The following PTPRT variants were observed in gnomAD, a reference collection of about 807,000 sequenced individuals.
PTPRT encodes protein tyrosine phosphatase receptor type T.
In PTPRT, 56 loss-of-function variants were observed where a neutral mutation model predicts 176.8. That is an observed-to-expected ratio of 0.32 (90% confidence interval 0.26 to 0.40). PTPRT has a LOEUF of 0.40. Among genes scored for constraint, PTPRT ranks in the 10% least tolerant of loss-of-function variants. PTPRT has a pLI of 1.00. For missense variants in PTPRT, 1,540 were observed against 1,908.2 expected, an observed-to-expected ratio of 0.81 and a Z score of 3.60; for synonymous variants, 783 against 739.0, an observed-to-expected ratio of 1.06 and a Z score of -0.96.
intron 7 of PTPRT, among the ~76,000 whole-genome samples, chr20:42,579,887 T>C (rs1444529040): frequency 6.6e-6 from 1 of 152,232 alleles, no homozygotes; most frequent in African/African-American, 2.4e-5. Context: ...TCTTTTGCTA[T>C]GCAGAAGCTC....
At chr20:42,931,332 G>A (rs1979835171) in intron 1 of PTPRT, among the ~76,000 whole-genome samples, 1 of 152,198 alleles carries the variant, frequency 6.6e-6, no homozygotes, top group African/African-American at 2.4e-5. Context: ...AATGCCAGGT[G>A]AGGACACATG....
At chr20:42,978,682 G>C (rs1008661281) in intron 1 of PTPRT, among the ~76,000 whole-genome samples, 1 of 152,166 alleles carries the variant, frequency 6.6e-6, no homozygotes, top group African/African-American at 2.4e-5. Context: ...GATAAAACAG[G>C]TTGCAGTAAA....
intron 7 of PTPRT, among the ~76,000 whole-genome samples, chr20:42,513,872 A>G (rs1487103223): frequency 6.6e-6 from 1 of 152,196 alleles, no homozygotes; most frequent in African/African-American, 2.4e-5. Flanking sequence ...CTTGATGTCA[A>G]TGGAATCATA....
chr20:42,461,590 T>G (rs1216596241), intron 8 of PTPRT, among the ~76,000 whole-genome samples: 1 of 152,086 alleles, frequency 6.6e-6, no homozygotes, highest in African/African-American at 2.4e-5. Flanking sequence ...TAGAAGTGTG[T>G]GATGAATTGG....
At chr20:42,780,847 T>C (rs1020136647) in intron 3 of PTPRT, among the ~76,000 whole-genome samples, 1 of 152,180 alleles carries the variant, frequency 6.6e-6, no homozygotes, top group African/African-American at 2.4e-5. Context: ...GCAACTGACT[T>C]CCACCTAAAC....
intron 9 of PTPRT, among the ~76,000 whole-genome samples, chr20:42,396,802 C>T (rs1479074708): frequency 6.6e-6 from 1 of 152,182 alleles, no homozygotes; most frequent in East Asian, 1.9e-4. Context: ...TGGTTATCTG[C>T]CCACCTTGGC....
chr20:42,656,587 G>T (rs1224824556), intron 7 of PTPRT, among the ~76,000 whole-genome samples: 1 of 152,138 alleles, frequency 6.6e-6, no homozygotes, highest in Non-Finnish European at 1.5e-5. Context: ...GGTGAAAACT[G>T]ACCCAATTTT....
chr20:42,854,374 T>G (rs568280972), intron 2 of PTPRT, among the ~76,000 whole-genome samples: 4 of 152,200 alleles, frequency 2.6e-5, no homozygotes, highest in Admixed American at 2.6e-4. Context: ...TTTGAACACC[T>G]TGACAAAGGA....
intron 12 of PTPRT, among the ~76,000 whole-genome samples, chr20:42,310,746 T>C (rs1452802134): frequency 6.6e-6 from 1 of 152,164 alleles, no homozygotes; most frequent in Non-Finnish European, 1.5e-5. Flanking sequence ...GTCTAATTCA[T>C]AAGAGACAGG....
At chr20:42,055,699 G>A in the PTPRT span, among the ~76,000 whole-genome samples, 2 of 152,130 alleles carry the variant, frequency 1.3e-5, no homozygotes, top group Non-Finnish European at 2.9e-5. Context: ...GGACCATGGG[G>A]GGAATGAGAG....
chr20:43,066,590 G>A (rs9680049), intron 1 of PTPRT, among the ~76,000 whole-genome samples: 11,666 of 152,150 alleles, frequency 0.077, 479 homozygotes, highest in South Asian at 0.13. Context: ...TATTCCAACC[G>A]AATTGCACTT....
intron 1 of PTPRT, among the ~76,000 whole-genome samples, chr20:42,932,747 A>C (rs927931756): frequency 2.0e-5 from 3 of 152,178 alleles, no homozygotes; most frequent in African/African-American, 7.2e-5. Flanking sequence ...AGGACCTTAA[A>C]AATCCTCTAT....
intron 7 of PTPRT, among the ~76,000 whole-genome samples, chr20:42,567,909 T>G (rs1381097595): frequency 6.6e-6 from 1 of 152,146 alleles, no homozygotes; most frequent in Non-Finnish European, 1.5e-5. Flanking sequence ...AATAGTCAAT[T>G]CAATGCCATC....
chr20:42,994,301 C>A (rs1358515611), intron 1 of PTPRT, among the ~76,000 whole-genome samples: 1 of 152,198 alleles, frequency 6.6e-6, no homozygotes, highest in Admixed American at 6.5e-5. Flanking sequence ...TCCTTCCAGG[C>A]TGAACTCAGA....
chr20:42,900,434 A>G (rs1371055242), intron 1 of PTPRT, among the ~76,000 whole-genome samples: 1 of 152,134 alleles, frequency 6.6e-6, no homozygotes, highest in Non-Finnish European at 1.5e-5. Context: ...ATGAATGCCC[A>G]AGTCCTGTCA....
Position 42,073,143 on chromosome 20 carries a change from T to A in PTPRT, c.*7736A>T. ...GTGTGGAGACTTTGGTCTCATGCAA[T>A]ATTATATGCCCAGTGGATGTGAAGA... is the stretch of plus-strand genomic sequence containing the variant. On this transcript the variant is annotated 3_prime_UTR_variant, in exon 31 of 31. Transcript: ENST00000373187. The A allele has an allele frequency of 5.0e-6, 1 of 201,158 alleles. No homozygotes were observed. The highest frequency in any genetic ancestry group is 7.7e-5 in the East Asian group (1 of 13,040). 12.5% of individuals were successfully genotyped at this position (201,158 alleles called of 1,614,324 possible). A position where few individuals can be genotyped will look rare whatever the true frequency, so the allele number is the denominator to read the frequency against.
chr20:42,501,868 T>A (rs1437070991), intron 7 of PTPRT, among the ~76,000 whole-genome samples: 1 of 152,278 alleles, frequency 6.6e-6, no homozygotes, highest in South Asian at 2.1e-4. Context: ...TGCCTTCATT[T>A]TTTTTGTCCT....
chr20:42,063,307 A>G, the PTPRT span, among the ~76,000 whole-genome samples: 389 of 152,200 alleles, frequency 2.6e-3, 2 homozygotes, highest in African/African-American at 9.0e-3. Flanking sequence ...CTCTCTGAGG[A>G]TCTTTTAGCT....
chr20:42,689,009 A>T (rs1269844114), intron 6 of PTPRT, among the ~76,000 whole-genome samples: 1 of 152,178 alleles, frequency 6.6e-6, no homozygotes, highest in African/African-American at 2.4e-5. Context: ...GGACTCACAC[A>T]GTTGTGTGGT....
Sources: gnomAD v4.1 joint callset for allele counts (sites outside exome capture counted in the v4.1 genomes callset) on GRCh38, gnomAD v4.1.1 for gene constraint, MANE v1.5 for transcripts, NCBI Gene and HGNC (gene_info 2026-07-23, HGNC 2026-07-21) for gene names.